Variants in DMD observed in about 807,000 individuals in gnomAD.
DMD encodes the protein dystrophin.
Under a neutral mutation model 330.1 loss-of-function variants are expected in DMD, and 63 were observed. That is an observed-to-expected ratio of 0.19 (90% confidence interval 0.16 to 0.24). The LOEUF (loss-of-function observed/expected upper bound fraction) is 0.24. Among genes scored for constraint, DMD ranks in the 10% least tolerant of loss-of-function variants. DMD has a pLI of 1.00. For synonymous variants in DMD, 1,223 were observed against 959.8 expected (o/e 1.27, Z -5.07); for missense variants, 3,344 against 2,684.1 (o/e 1.25, Z -5.43).
At chrX:33,262,922 A>C (rs1368227483) in intron 1 of DMD, among the ~76,000 whole-genome samples, 1 of 110,999 alleles carries the variant, frequency 9.0e-6, no homozygotes, top group Non-Finnish European at 1.9e-5. Context: ...CAGAGCAGGA[A>C]ATAATAAAGG....
At chrX:31,410,573 C>A (rs904023541) in intron 60 of DMD, among the ~76,000 whole-genome samples, 1 of 110,626 alleles carries the variant, frequency 9.0e-6, no homozygotes, top group African/African-American at 3.3e-5. Context: ...TACAATTTGG[C>A]CTCCTGTCAT....
At chrX:32,388,341 CTTTTTT>C (rs3044988) in intron 32 of DMD, among the ~76,000 whole-genome samples, 1 of 78,569 alleles carries the variant, frequency 1.3e-5, no homozygotes, top group Non-Finnish European at 2.3e-5. Flanking sequence ...TTATGCTTTC[CTTTTTT>C]TTTTTTTTGG....
intron 1 of DMD, among the ~76,000 whole-genome samples, chrX:33,276,027 C>T (rs184594120): frequency 2.7e-5 from 3 of 111,363 alleles, no homozygotes; most frequent in Middle Eastern, 4.6e-3. Context: ...TGCAAATTTC[C>T]GATTTATGTA....
chrX:31,754,571 A>T (rs760429389), intron 51 of DMD, among the ~76,000 whole-genome samples: 59 of 111,178 alleles, frequency 5.3e-4, no homozygotes, highest in Non-Finnish European at 7.4e-4. Flanking sequence ...CATAGTATCA[A>T]CAAAACGAAT....
chrX:31,652,241 TACC>T (rs746628522), intron 54 of DMD, among the ~76,000 whole-genome samples: 1 of 111,770 alleles, frequency 8.9e-6, no homozygotes, highest in Non-Finnish European at 1.9e-5. Flanking sequence ...CTTTTTTGAT[TACC>T]ACATTTTCAT....
At chrX:32,627,057 A>G (rs996615077) in intron 11 of DMD, among the ~76,000 whole-genome samples, 3 of 103,743 alleles carry the variant, frequency 2.9e-5, no homozygotes, top group Non-Finnish European at 5.7e-5. Flanking sequence ...AATATCTGGG[A>G]ATGGAGCCCA....
intron 42 of DMD, among the ~76,000 whole-genome samples, chrX:32,298,734 T>C (rs2097508142): frequency 9.0e-6 from 1 of 110,535 alleles, no homozygotes; most frequent in African/African-American, 3.3e-5. Flanking sequence ...GAATTTTATT[T>C]AGGGGAGGTG....
chrX:32,329,748 A>G (rs1359515481), intron 41 of DMD, among the ~76,000 whole-genome samples: 3 of 112,436 alleles, frequency 2.7e-5, no homozygotes, highest in Admixed American at 9.4e-5. Context: ...TAGTCTATTA[A>G]CTAAGAAAGC....
intron 47 of DMD, among the ~76,000 whole-genome samples, chrX:31,895,139 A>C (rs1380107725): frequency 8.9e-6 from 1 of 111,769 alleles, no homozygotes; most frequent in Non-Finnish European, 1.9e-5. Context: ...GACACAATAC[A>C]CTACAAAGTC....
chrX:32,315,098 T>C (rs145690608), intron 41 of DMD, among the ~76,000 whole-genome samples: 3 of 112,010 alleles, frequency 2.7e-5, no homozygotes, highest in Middle Eastern at 4.6e-3. Context: ...CGTATGTTTA[T>C]TGCAGCACTG....
intron 60 of DMD, among the ~76,000 whole-genome samples, chrX:31,423,844 A>G (rs773687984): frequency 9.0e-6 from 1 of 111,575 alleles, no homozygotes; most frequent in South Asian, 3.8e-4. Context: ...AATGTCAGCA[A>G]TTTGATTCTC....
chrX:33,283,346 C>G (rs996106496), intron 1 of DMD, among the ~76,000 whole-genome samples: 25 of 110,677 alleles, frequency 2.3e-4, no homozygotes, highest in Middle Eastern at 4.7e-3. Flanking sequence ...TGAGACCAGC[C>G]TGACCAACAT....
intron 55 of DMD, among the ~76,000 whole-genome samples, chrX:31,542,049 T>C (rs1206122894): frequency 8.9e-6 from 1 of 112,147 alleles, no homozygotes; most frequent in Non-Finnish European, 1.9e-5. Flanking sequence ...GTGGCTCTCA[T>C]TTCTATGGGA....
chrX:33,080,449 C>A, intron 1 of DMD, among the ~76,000 whole-genome samples: 1 of 111,763 alleles, frequency 8.9e-6, no homozygotes, highest in African/African-American at 3.2e-5. Flanking sequence ...TTATCTTTCA[C>A]CAAAAACACA....
At chrX:32,576,819 C>T (rs902879667) in intron 13 of DMD, among the ~76,000 whole-genome samples, 9 of 110,077 alleles carry the variant, frequency 8.2e-5, no homozygotes, top group African/African-American at 2.3e-4. Flanking sequence ...TTAAAAAATG[C>T]CACTTAAAGT....
chrX:32,156,178 G>A (rs1439794268), intron 44 of DMD, among the ~76,000 whole-genome samples: 1 of 111,855 alleles, frequency 8.9e-6, no homozygotes, highest in East Asian at 2.8e-4. Flanking sequence ...TCAAGAGATC[G>A]AGACTGTCCT....
intron 51 of DMD, among the ~76,000 whole-genome samples, chrX:31,748,195 T>G (rs1281814008): frequency 8.9e-6 from 1 of 112,071 alleles, no homozygotes; most frequent in Non-Finnish European, 1.9e-5. Context: ...AGGTGAAGGC[T>G]TCAATCCAAA....
At chrX:31,544,320 T>C (rs1171808703) in intron 55 of DMD, among the ~76,000 whole-genome samples, 3 of 81,783 alleles carry the variant, frequency 3.7e-5, no homozygotes, top group African/African-American at 1.7e-4. Flanking sequence ...TGAGACTCCG[T>C]CTCAAAAAAA....
chrX:33,036,968 G>T, intron 1 of DMD, among the ~76,000 whole-genome samples: 1 of 111,176 alleles, frequency 9.0e-6, no homozygotes, highest in African/African-American at 3.3e-5. Context: ...ATGAGGAACA[G>T]CGGAAGCCAA....
Sources: allele counts gnomAD v4.1 joint callset (sites outside exome capture counted in the v4.1 genomes callset), GRCh38; gene constraint gnomAD v4.1.1; transcripts MANE v1.5; gene names NCBI Gene and HGNC (gene_info 2026-07-23, HGNC 2026-07-21).